The following IL17RA variants were observed in gnomAD, a reference collection of about 807,000 sequenced individuals.
IL17RA encodes the protein interleukin-17 receptor A.
IL17RA carries 34 observed loss-of-function variants against 50.4 expected under a neutral mutation model. The observed-to-expected ratio is 0.67, with a 90% confidence interval of 0.51 to 0.90. IL17RA has a LOEUF of 0.90. Among genes scored for constraint, IL17RA ranks in the 40% least tolerant of loss-of-function variants. The pLI, the probability that IL17RA is intolerant of heterozygous loss-of-function variation, is 0.00. For synonymous variants in IL17RA, 585 were observed against 510.4 expected, an observed-to-expected ratio of 1.15 and a Z score of -1.97; for missense variants, 1,276 against 1,169.8, an observed-to-expected ratio of 1.09 and a Z score of -1.32.
rs1400082581 is a variant in IL17RA at position 17,112,152 on chromosome 22, G to C, written c.*2332G>C. On this transcript the variant is annotated 3_prime_UTR_variant, in exon 13 of 13. Coordinates refer to ENST00000319363, the MANE Select transcript of IL17RA (RefSeq NM_014339.7). ...TACCACAATGCACTCTTCCTGCGTA[G>C]AGCACATGTTCCCATCTGCTCCCAT... 11 of 148,112 alleles carry C rather than the reference G, an allele frequency of 7.4e-5. No homozygotes were observed. Among genetic ancestry groups the C allele is most frequent in the African/African-American group, 2.6e-4 (10 of 38,952 alleles). The allele number at this position is 148,112 out of a possible 1,614,324, so 9.2% of individuals were successfully genotyped here.
At chr22:17,107,874 C>A in intron 12 of IL17RA, 106 bp downstream of exon 12, 1 of 969,298 alleles carries the variant, frequency 1.0e-6, no homozygotes, top group Non-Finnish European at 1.7e-6. Flanking sequence ...CAAGTCCCTT[C>A]AGGAGACCCC....
At chr22:17,095,775 C>T (rs866442869) in intron 1 of IL17RA, among the ~76,000 whole-genome samples, 17 of 152,038 alleles carry the variant, frequency 1.1e-4, no homozygotes, top group African/African-American at 3.9e-4. Flanking sequence ...GATGCTAGCC[C>T]GGGACCTGTA....
chr22:17,094,671 C>CTATATATATATATATATATGTGTATATA (rs1568917407), intron 1 of IL17RA, among the ~76,000 whole-genome samples: 1 of 40,764 alleles, frequency 2.5e-5, no homozygotes, highest in Admixed American at 2.0e-4. Flanking sequence ...CTCTCTCTCT[C>CTATATATATATATATATATGTGTATATA]TCTCTCTCTC....
chr22:17,088,463 C>T (rs41426844), intron 1 of IL17RA, among the ~76,000 whole-genome samples: 2 of 151,388 alleles, frequency 1.3e-5, no homozygotes, highest in African/African-American at 4.9e-5. Context: ...GGATTACAGG[C>T]GCCCACCACT....
rs868771675 is a variant in IL17RA, at chr22:17,109,126, A to G, written c.1907A>G (p.Asp636Gly). Residue 636 changes from aspartate to glycine, a missense_variant, in exon 13 of 13, where the codon GAC (aspartate) becomes GGC (glycine). Transcript: ENST00000319363. Reference protein sequence around the residue: ...EPGSQACLAIDPLVGEEGGAA... With the variant: ...EPGSQACLAIGPLVGEEGGAA... The stretch of plus-strand genomic sequence containing the variant: ...GGCTCCCAGGCCTGCCTGGCCATAG[A>G]CCCGCTGGTCGGGGAGGAAGGAGGA... 1 of 1,546,796 alleles carries G rather than the reference A, an allele frequency of 6.5e-7. No homozygotes were observed. Among genetic ancestry groups the G allele is most frequent in the Middle Eastern group, 2.1e-4 (1 of 4,712 alleles).
chr22:17,105,389 AAGG>A (rs1418183222), intron 9 of IL17RA, among the ~76,000 whole-genome samples, 199 bp from the exon 10 acceptor site: 6 of 152,180 alleles, frequency 3.9e-5, no homozygotes, highest in African/African-American at 1.4e-4. Flanking sequence ...CCAGCCTCCC[AAGG>A]AGGAGGCAAG....
At chr22:17,087,484 A>C (rs1355705974) in intron 1 of IL17RA, among the ~76,000 whole-genome samples, 2 of 152,240 alleles carry the variant, frequency 1.3e-5, no homozygotes, top group Admixed American at 1.3e-4. Context: ...TTCCTAGCTC[A>C]GTGCTGGAGC....
At chr22:17,085,299 G>A in intron 1 of IL17RA, 70 bp downstream of exon 1, 1 of 1,524,652 alleles carries the variant, frequency 6.6e-7, no homozygotes, top group Middle Eastern at 2.3e-4. Context: ...CGGAGGGCCG[G>A]ACGGTCGGGA....
chr22:17,097,535 A>G (rs1021059643), intron 2 of IL17RA: 1 of 572,828 alleles, frequency 1.7e-6, no homozygotes, highest in Non-Finnish European at 3.1e-6. Flanking sequence ...CTTATTCCCA[A>G]TCACAACTTC....
intron 1 of IL17RA, among the ~76,000 whole-genome samples, chr22:17,090,836 C>T (rs1310355522): frequency 6.6e-6 from 1 of 152,150 alleles, no homozygotes; most frequent in Non-Finnish European, 1.5e-5. Flanking sequence ...ATTCCCCTCC[C>T]CTCCTGCCCC....
chr22:17,086,570 G>C (rs2061329137), intron 1 of IL17RA, among the ~76,000 whole-genome samples: 1 of 152,094 alleles, frequency 6.6e-6, no homozygotes. Flanking sequence ...GCCATACTGG[G>C]AACTGGAACT....
At position 17,105,935 on chromosome 22, in the gene IL17RA, C is replaced by T. The variant is rs776425026; in HGVS notation, c.1026C>T (p.Cys342=). 6.2e-7 allele frequency: 1 copy of T among 1,614,140 alleles called. No individual in the cohort carries two copies. Among genetic ancestry groups the T allele is most frequent in the Admixed American group, 1.7e-5 (1 of 60,022 alleles). Residue 342 remains cysteine (C), a synonymous_variant, in exon 11 of 13, where the codon TGC becomes TGT. Transcript: ENST00000319363. ...GCTCCGTCATCCTGCTCATCGTCTGCATGACCTGGAGGCTAGCTGGTAAGC... is the reference window on the plus strand; with the variant it reads ...GCTCCGTCATCCTGCTCATCGTCTGTATGACCTGGAGGCTAGCTGGTAAGC... ...LVGSVILLIV[C]MTWRLAGPGS...
At chr22:17,094,796 C>G (rs1452552083) in intron 1 of IL17RA, among the ~76,000 whole-genome samples, 1 of 146,420 alleles carries the variant, frequency 6.8e-6, no homozygotes, top group Non-Finnish European at 1.5e-5. Context: ...ACTTATTTTC[C>G]TCTCTCATCA....
rs918964572 is a variant in IL17RA at position 17,105,746 on chromosome 22, G to C, written c.944-107G>C. 5 of 1,386,018 alleles carry C rather than the reference G, an allele frequency of 3.6e-6. No homozygotes were observed. The African/African-American group carries it at 4.3e-5, about 12-fold the overall frequency. 85.9% of individuals were successfully genotyped at this position (1,386,018 alleles called of 1,614,324 possible). On this transcript the variant is annotated intron_variant, in intron 10 of 12. Transcript: ENST00000319363. Reference sequence around the variant, plus strand: ...GGGGGGTGAGACCATGGTTTGTCGTGGTGGGGCCAGAGAGGACAGAGCCTG... The same window carrying C: ...GGGGGGTGAGACCATGGTTTGTCGTCGTGGGGCCAGAGAGGACAGAGCCTG...
At chr22:17,097,514 C>T in intron 2 of IL17RA, 3 of 555,538 alleles carry the variant, frequency 5.4e-6, no homozygotes, top group Non-Finnish European at 9.7e-6. Context: ...CAACTGCATC[C>T]CTCCTGTGCC....
Position 17,108,744 on chromosome 22 carries a change from T to A in IL17RA, c.1525T>A (p.Cys509Ser), listed in dbSNP as rs2061425213. 1 of 1,611,698 alleles carries A rather than the reference T, an allele frequency of 6.2e-7. No individual in the cohort carries two copies. ...AGTCTGCTACTTCAGCGAGGTCAGC[T>A]GTGACGGCGACGTCCCCGACCTGTT... ...YVVCYFSEVS[C>S]DGDVPDLFGA... Residue 509 changes from cysteine (C) to serine (S), a missense_variant, in exon 13 of 13, where the codon TGT becomes AGT. Physicochemically the swap from Cys to Ser is moderately radical, Grantham distance 112. Transcript: ENST00000319363.
chr22:17,093,247 A>G (rs986170451), intron 1 of IL17RA, among the ~76,000 whole-genome samples: 2 of 152,224 alleles, frequency 1.3e-5, no homozygotes, highest in African/African-American at 4.8e-5. Context: ...ACTTCACTGT[A>G]TAGGAGGTCA....
intron 5 of IL17RA, among the ~76,000 whole-genome samples, chr22:17,101,553 G>A (rs1262689944): frequency 2.6e-5 from 4 of 152,212 alleles, no homozygotes; most frequent in Admixed American, 6.5e-5. Flanking sequence ...TGCATAGTTG[G>A]TGCTCAATAT....
At chr22:17,104,550 C>T (rs1217140455) in intron 8 of IL17RA, among the ~76,000 whole-genome samples, 176 bp from the exon 9 acceptor site, 1 of 152,084 alleles carries the variant, frequency 6.6e-6, no homozygotes. Context: ...GTCTGGTTCT[C>T]CCACCCTCAC....
Sources: allele counts gnomAD v4.1 joint callset (sites outside exome capture counted in the v4.1 genomes callset), GRCh38; gene constraint gnomAD v4.1.1; transcripts MANE v1.5; gene names NCBI Gene and HGNC (gene_info 2026-07-23, HGNC 2026-07-21).